Variants in SH2D3C observed in about 807,000 individuals in gnomAD.
The protein encoded by SH2D3C is SH2 domain-containing protein 3C.
SH2D3C carries 25 observed loss-of-function variants against 75.2 expected under a neutral mutation model. The observed-to-expected ratio is 0.33, with a 90% CI of 0.24 to 0.46. The LOEUF (loss-of-function observed/expected upper bound fraction) is 0.46, where lower values mean the gene tolerates loss of function less well. Among genes scored for constraint, SH2D3C ranks in the 20% least tolerant of loss-of-function variants. The probability of loss-of-function intolerance (pLI) is 1.00; values close to 1 mark genes in which losing one functional copy is unlikely to be tolerated. For synonymous variants in SH2D3C, 450 were observed against 473.7 expected (o/e 0.95, Z 0.65); for missense variants, 933 against 1,165.3 (o/e 0.80, Z 2.90).
At position 127,774,006 on chromosome 9, in the gene SH2D3C, C is replaced by T; in HGVS notation, c.499G>A (p.Asp167Asn). 1 of 1,611,982 alleles carries T rather than the reference C, an allele frequency of 6.2e-7. No homozygotes were observed. The change falls in exon 2 of 12, where the codon GAC (aspartate) becomes AAC (asparagine). Residue 167 changes from aspartate to asparagine, a missense_variant. By Grantham distance (23) the Asp-to-Asn change is conservative. Transcript: ENST00000314830. This position sits in a 1 kb window ranked among gnomAD's most constrained non-coding sequence, Gnocchi z 4.3. ...GGCACCTACCTTTCTGAGTGCACGT[C>T]CCTGGGAGGTCTCTCCTCTTCTACG... ...GDVEEERPPR[D>N]VHSERAAGEP...
Position 127,742,956 on chromosome 9 carries a change from C to T in SH2D3C, c.1809G>A (p.Arg603=), listed in dbSNP as rs759593468. 6.8e-6 allele frequency: 11 copies of T among 1,612,798 alleles called. No individual in the cohort carries two copies. The highest frequency in any genetic ancestry group is 9.3e-6 in the Non-Finnish European group (11 of 1,179,156). Residue 603 remains arginine (R), a synonymous_variant, in exon 8 of 12, where the codon AGG becomes AGA. Coordinates refer to ENST00000314830, the MANE Select transcript of SH2D3C (RefSeq NM_170600.3). ...HVTKVDCLVA[R]ILGVTKEMQT... is the part of the protein sequence containing the mutation. ...GCATCTCCTTGGTAACGCCCAGTAT[C>T]CTAGCAACCTGCAAAGACGCCCAGA...
At position 127,767,046 on chromosome 9, in the gene SH2D3C, G is replaced by A. The variant is rs375370962; in HGVS notation, c.516-5396C>T. 58 of 1,536,226 alleles carry A rather than the reference G, an allele frequency of 3.8e-5. No homozygotes were observed. The East Asian group carries it at 1.0e-3, about 27-fold the overall frequency. ...GGGATTCCCTGCCGGGAAGGCTCTT[G>A]GCTTTGGCCCTGCCCCACTCCCCAA... On this transcript the variant is annotated intron_variant, in intron 2 of 11. Coordinates refer to ENST00000314830, the MANE Select transcript of SH2D3C (RefSeq NM_170600.3).
rs568403656 is a variant in SH2D3C, at chr9:127,762,433, A to G, written c.516-783T>C. On this transcript the variant is annotated intron_variant, in intron 2 of 11. Coordinates refer to ENST00000314830, the MANE Select transcript of SH2D3C (RefSeq NM_170600.3). ...CTTGGATATCTGAAGGCCATCTACA[A>G]CTTGTGTATCCAAAGCAGAACTGTG... is the stretch of plus-strand genomic sequence containing the variant. 169 of 670,870 alleles carry G rather than the reference A, an allele frequency of 2.5e-4. No homozygotes were observed. In the African/African-American group the frequency reaches 2.9e-3, roughly 12 times the overall value. The allele number at this position is 670,870 out of a possible 1,614,324, so 41.6% of individuals were successfully genotyped here.
chr9:127,777,223 G>A (rs2131815409), intron 1 of SH2D3C, among the ~76,000 whole-genome samples: 1 of 152,294 alleles, frequency 6.6e-6, no homozygotes, highest in East Asian at 1.9e-4. Flanking sequence ...CAGATCAAAG[G>A]AATCAGGAGA....
chr9:127,778,651 TG>T lies in SH2D3C; in HGVS notation c.-25del. The T allele has an allele frequency of 6.2e-7, 1 of 1,612,558 alleles. No homozygotes were observed. On this transcript the variant is annotated 5_prime_UTR_variant, in exon 1 of 12. Transcript: ENST00000314830. The stretch of plus-strand genomic sequence containing the variant: ...ATCTTGGCAAATTGTGTGAAGCCCT[TG>T]GCCAGCTTGCGAGTGGCCACTCAAG...
At chr9:127,742,678 G>T in intron 8 of SH2D3C, 171 bp downstream of exon 8, 1 of 556,988 alleles carries the variant, frequency 1.8e-6, no homozygotes, top group Non-Finnish European at 3.2e-6. Context: ...TGGGAAATCA[G>T]CCTGTTTAGA....
chr9:127,753,728 G>C (rs977799758), intron 3 of SH2D3C, among the ~76,000 whole-genome samples: 2 of 152,230 alleles, frequency 1.3e-5, no homozygotes, highest in African/African-American at 4.8e-5. Context: ...GGAAAGGGGA[G>C]AGTGGGCGTC....
chr9:127,766,530 T>TG (rs891741383), intron 2 of SH2D3C, among the ~76,000 whole-genome samples: 18 of 152,318 alleles, frequency 1.2e-4, no homozygotes, highest in African/African-American at 4.1e-4. Context: ...ATGCCCCTCC[T>TG]GGGGGGCTGA....
chr9:127,774,543 G>C lies in SH2D3C; in HGVS notation c.38-76C>G. On this transcript the variant is annotated intron_variant, in intron 1 of 11. Coordinates refer to ENST00000314830, the MANE Select transcript of SH2D3C (RefSeq NM_170600.3). The surrounding 1 kb of genome is among the most constrained non-coding windows in gnomAD (Gnocchi z 4.3). Reference sequence around the variant, plus strand: ...GTGATAATAATGAACAATTCCTGCAGTTTCACTCGGTGAGGGGCTGAAGAG... The same window carrying C: ...GTGATAATAATGAACAATTCCTGCACTTTCACTCGGTGAGGGGCTGAAGAG... The C allele has an allele frequency of 1.2e-6, 1 of 809,246 alleles. No individual in the cohort carries two copies. The highest frequency in any genetic ancestry group is 2.1e-6 in the Non-Finnish European group (1 of 479,810). The allele number at this position is 809,246 out of a possible 1,614,324, so 50.1% of individuals were successfully genotyped here.
chr9:127,759,272 G>A (rs1319566066), intron 3 of SH2D3C, among the ~76,000 whole-genome samples: 1 of 152,206 alleles, frequency 6.6e-6, no homozygotes, highest in Non-Finnish European at 1.5e-5. Context: ...CTGGAGTACA[G>A]TGGTGCTATC....
intron 2 of SH2D3C, chr9:127,771,525 G>T (rs975867043): frequency 9.0e-6 from 4 of 443,462 alleles, no homozygotes; most frequent in Non-Finnish European, 1.5e-5. Context: ...ACACCCCTCC[G>T]CCTCGCCCGC....
rs1845118968 is a variant in SH2D3C at position 127,749,163 on chromosome 9, C to T, written c.1139+48G>A. ...ACCTAGGCCTTCTCTTTCTCACTAG[C>T]CCTCTCATTACCCACAACCCCATTT... is the stretch of plus-strand genomic sequence containing the variant. On this transcript the variant is annotated intron_variant, in intron 5 of 11. Coordinates refer to ENST00000314830, the MANE Select transcript of SH2D3C (RefSeq NM_170600.3). This position sits in a 1 kb window ranked among gnomAD's most constrained non-coding sequence, Gnocchi z 5.9. The T allele has an allele frequency of 7.5e-7, 1 of 1,328,480 alleles. No individual in the cohort carries two copies. Among genetic ancestry groups the T allele is most frequent in the East Asian group, 2.3e-5 (1 of 43,266 alleles). The allele number at this position is 1,328,480 out of a possible 1,614,324, so 82.3% of individuals were successfully genotyped here. A position where few individuals can be genotyped will look rare whatever the true frequency, so the allele number is the denominator to read the frequency against.
intron 2 of SH2D3C, among the ~76,000 whole-genome samples, chr9:127,772,656 G>A (rs1588526501): frequency 6.6e-6 from 1 of 152,270 alleles, no homozygotes; most frequent in East Asian, 1.9e-4. Context: ...CTTTGGCTGG[G>A]ATTGAGGGGT....
At chr9:127,766,372 G>A (rs1216771424) in intron 2 of SH2D3C, among the ~76,000 whole-genome samples, 1 of 152,150 alleles carries the variant, frequency 6.6e-6, no homozygotes, top group Non-Finnish European at 1.5e-5. Context: ...GCTCAACTTC[G>A]TCATCTGTAA....
At chr9:127,771,095 A>G in intron 2 of SH2D3C, 1 of 1,056,470 alleles carries the variant, frequency 9.5e-7, no homozygotes, top group Non-Finnish European at 1.3e-6. Flanking sequence ...CCCCGCCCCC[A>G]AATTTGTCAG....
intron 2 of SH2D3C, among the ~76,000 whole-genome samples, chr9:127,770,570 T>C (rs1006841916): frequency 1.3e-5 from 2 of 152,070 alleles, no homozygotes; most frequent in Admixed American, 6.6e-5. Context: ...TGTTCAACAG[T>C]CCCTGGAGGG....
chr9:127,742,557 C>G (rs892194518), intron 8 of SH2D3C: 3 of 329,554 alleles, frequency 9.1e-6, no homozygotes, highest in African/African-American at 6.4e-5. Context: ...GTTTTAAGAA[C>G]GAACAAGGAG....
intron 3 of SH2D3C, among the ~76,000 whole-genome samples, chr9:127,759,404 T>C (rs1022476098): frequency 6.6e-6 from 1 of 152,034 alleles, no homozygotes; most frequent in African/African-American, 2.4e-5. Flanking sequence ...TTAGTAGAGA[T>C]AGGATTTCGC....
At chr9:127,755,058 G>A (rs563554771) in intron 3 of SH2D3C, 10 of 1,168,722 alleles carry the variant, frequency 8.6e-6, no homozygotes, top group Middle Eastern at 3.4e-4. Context: ...GCGCGTGGCG[G>A]GGGCCGAGCC....
Sources: allele counts gnomAD v4.1 joint callset (sites outside exome capture counted in the v4.1 genomes callset), GRCh38; gene constraint gnomAD v4.1.1; non-coding constraint Gnocchi (gnomAD v3.1); transcripts MANE v1.5; gene names NCBI Gene and HGNC (gene_info 2026-07-23, HGNC 2026-07-21).